FYB1: variants seen among roughly 807,000 people sequenced by gnomAD.
The protein encoded by FYB1 is FYN binding protein 1, also known as FYN-binding protein 1.
A neutral mutation model predicts 94.1 loss-of-function variants in FYB1; 41 were observed. The observed-to-expected ratio is 0.44, with a 90% CI of 0.34 to 0.57. FYB1 has a LOEUF of 0.57. Ranked by LOEUF, FYB1 falls within the 20% of genes least tolerant of loss-of-function variation. The pLI is 0.02. For missense variants in FYB1, 1,050 were observed against 976.8 expected (o/e 1.07, Z -1.00); for synonymous variants, 367 against 353.2 (o/e 1.04, Z -0.44).
intron 1 of FYB1, chr5:39,270,967 C>A: frequency 5.8e-6 from 1 of 173,240 alleles, no homozygotes; most frequent in Non-Finnish European, 1.2e-5. Context: ...TCTCTCTTAT[C>A]TATGAAAGAC....
chr5:39,169,170 G>T (rs2150393718), intron 2 of FYB1: 2 of 779,868 alleles, frequency 2.6e-6, no homozygotes, highest in Admixed American at 1.8e-5. Context: ...CCCAAGTTTA[G>T]AAAAAGACAA....
chr5:39,243,579 C>T (rs1751320111), intron 1 of FYB1, among the ~76,000 whole-genome samples: 2 of 152,230 alleles, frequency 1.3e-5, no homozygotes, highest in Non-Finnish European at 2.9e-5. Context: ...TGGCGTGATG[C>T]CTCCAGCTTT....
intron 7 of FYB1, among the ~76,000 whole-genome samples, chr5:39,137,064 C>G (rs1051561336): frequency 2.0e-5 from 3 of 151,958 alleles, no homozygotes; most frequent in Admixed American, 6.6e-5. Context: ...AGAATCCAGA[C>G]AGACAAAGAG....
chr5:39,211,781 A>G lies in FYB1; in HGVS notation c.-28+7662T>C, dbSNP rs7707638. On this transcript the variant is annotated intron_variant, in intron 1 of 18. Coordinates refer to ENST00000512982, the MANE Select transcript of FYB1 (RefSeq NM_001465.6). The stretch of plus-strand genomic sequence containing the variant: ...TCCCTCAGCCTTCGTGTCACTCCCA[A>G]CAAACACGAAAACATAGACAGACAC... 4.2e-3 allele frequency among the ~76,000 whole-genome samples: 633 copies of G among 152,278 alleles called. 5 individuals are homozygous for G. The highest frequency in any genetic ancestry group is 0.014 in the African/African-American group (596 of 41,538).
intron 16 of FYB1, among the ~76,000 whole-genome samples, chr5:39,118,288 T>G (rs1325233617): frequency 6.6e-6 from 1 of 152,120 alleles, no homozygotes; most frequent in East Asian, 1.9e-4. Context: ...TTGCACTAAG[T>G]GTGTTCAAAT....
At chr5:39,149,292 A>G (rs1384069668) in intron 3 of FYB1, among the ~76,000 whole-genome samples, 1 of 152,180 alleles carries the variant, frequency 6.6e-6, no homozygotes, top group Non-Finnish European at 1.5e-5. Context: ...GCTGCAGATG[A>G]TAAAGTCCAC....
chr5:39,116,164 G>A (rs1484658268), intron 16 of FYB1, among the ~76,000 whole-genome samples: 9 of 152,150 alleles, frequency 5.9e-5, no homozygotes, highest in Admixed American at 4.6e-4. Context: ...GGCTGCCTTC[G>A]CTTCTCTATC....
intron 1 of FYB1, 162 bp from the exon 2 acceptor site, chr5:39,203,149 C>G: frequency 1.6e-6 from 1 of 625,994 alleles, no homozygotes; most frequent in East Asian, 2.8e-5. Flanking sequence ...AAATAAGTTG[C>G]GAGAGTTTCT....
intron 2 of FYB1, among the ~76,000 whole-genome samples, chr5:39,173,250 C>A (rs1227234624): frequency 6.6e-6 from 1 of 152,142 alleles, no homozygotes; most frequent in Admixed American, 6.5e-5. Flanking sequence ...TGTACAACTT[C>A]TTTTAAGAAG....
intron 3 of FYB1, among the ~76,000 whole-genome samples, chr5:39,148,155 T>TTATATATATATATATA (rs10528848): frequency 5.3e-5 from 2 of 37,650 alleles, no homozygotes; most frequent in African/African-American, 1.3e-4. Context: ...TATGTATTTT[T>TTATATATATATATATA]TATATATATA....
chr5:39,144,639 T>TA (rs1380814327), intron 3 of FYB1, among the ~76,000 whole-genome samples: 1 of 152,116 alleles, frequency 6.6e-6, no homozygotes, highest in East Asian at 1.9e-4. Context: ...CCGTCTCTAC[T>TA]AAAAATACAA....
intron 2 of FYB1, among the ~76,000 whole-genome samples, chr5:39,167,371 A>G (rs144370677): frequency 6.6e-6 from 1 of 152,276 alleles, no homozygotes; most frequent in East Asian, 1.9e-4. Flanking sequence ...TACAACACAG[A>G]TAAAGTAGAG....
At chr5:39,255,102 ATC>A (rs1210404652) in intron 1 of FYB1, among the ~76,000 whole-genome samples, 1 of 152,132 alleles carries the variant, frequency 6.6e-6, no homozygotes, top group Non-Finnish European at 1.5e-5. Flanking sequence ...CATCACATGC[ATC>A]TCATTTTTAC....
intron 2 of FYB1, among the ~76,000 whole-genome samples, chr5:39,172,240 G>T (rs1561210197): frequency 2.0e-5 from 3 of 152,148 alleles, no homozygotes; most frequent in African/African-American, 7.2e-5. Flanking sequence ...GAGCTCAGGA[G>T]TTTGAGACCA....
intron 1 of FYB1, among the ~76,000 whole-genome samples, chr5:39,252,444 T>TTTA (rs1291591296): frequency 2.6e-5 from 4 of 152,220 alleles, no homozygotes; most frequent in Non-Finnish European, 5.9e-5. Context: ...AAATTTTCTT[T>TTTA]AATATATTTT....
chr5:39,266,564 C>G (rs1246933700), intron 1 of FYB1, among the ~76,000 whole-genome samples: 1 of 152,198 alleles, frequency 6.6e-6, no homozygotes, highest in East Asian at 1.9e-4. Context: ...TTCCTTATAA[C>G]CACTTGGTCC....
At chr5:39,221,337 C>T (rs1473922305), upstream of FYB1, among the ~76,000 whole-genome samples, 1 of 152,176 alleles carries the variant, frequency 6.6e-6, no homozygotes, top group Admixed American at 6.5e-5. Flanking sequence ...ACAACCCCAT[C>T]TTCACTGGAT....
chr5:39,132,783 G>C (rs1741317753), intron 9 of FYB1, among the ~76,000 whole-genome samples: 1 of 151,990 alleles, frequency 6.6e-6, no homozygotes. Context: ...AAAAATTAAG[G>C]GAGTGTGCTT....
intron 12 of FYB1, 145 bp downstream of exon 12, chr5:39,125,853 G>C (rs76612429): frequency 1.4e-6 from 1 of 711,884 alleles, no homozygotes; most frequent in African/African-American, 1.8e-5. Context: ...CACCATAAAC[G>C]GGGCTAAGAT....
Sources: allele counts gnomAD v4.1 joint callset (sites outside exome capture counted in the v4.1 genomes callset), GRCh38; gene constraint gnomAD v4.1.1; transcripts MANE v1.5; gene names NCBI Gene and HGNC (gene_info 2026-07-23, HGNC 2026-07-21).